PPFIBP1: variants seen among roughly 807,000 people sequenced by gnomAD.
PPFIBP1 encodes the protein liprin-beta-1.
A neutral mutation model predicts 137.8 loss-of-function variants in PPFIBP1; 112 were observed. The ratio of observed to expected loss-of-function variants is 0.81; its 90% CI spans 0.70 to 0.95. PPFIBP1 has a LOEUF of 0.95. Ranked by LOEUF, PPFIBP1 falls within the 40% of genes least tolerant of loss-of-function variation. The probability of loss-of-function intolerance (pLI) is 0.00; values close to 1 mark genes in which losing one functional copy is unlikely to be tolerated. For missense variants in PPFIBP1, 1,083 were observed against 1,196.6 expected (o/e 0.91, Z 1.40); for synonymous variants, 378 against 417.3 (o/e 0.91, Z 1.15).
At chr12:27,567,003 A>G (rs1283914320) in intron 1 of PPFIBP1, among the ~76,000 whole-genome samples, 1 of 152,202 alleles carries the variant, frequency 6.6e-6, no homozygotes, top group Non-Finnish European at 1.5e-5. Context: ...GCCTCAGTTT[A>G]TCTTCCATAT....
Position 27,654,706 on chromosome 12 carries a change from G to A in PPFIBP1, c.604-16G>A, listed in dbSNP as rs766971276. ...TACCACTTTCCTAATGTACTTTCTTGTTTCTTCTTGGACAGGGGCTGATTC... is the reference window on the plus strand; with the variant it reads ...TACCACTTTCCTAATGTACTTTCTTATTTCTTCTTGGACAGGGGCTGATTC... On this transcript the variant is annotated splice_polypyrimidine_tract_variant and intron_variant, in intron 7 of 29. Transcript: ENST00000228425. 9.3e-6 allele frequency: 15 copies of A among 1,605,390 alleles called. No individual in the cohort carries two copies. In the South Asian group the frequency reaches 1.7e-4, roughly 18 times the overall value.
intron 21 of PPFIBP1, among the ~76,000 whole-genome samples, chr12:27,681,304 C>A (rs945211768): frequency 6.6e-6 from 1 of 152,182 alleles, no homozygotes; most frequent in Non-Finnish European, 1.5e-5. Context: ...TTCTGTAGCA[C>A]TTGTTCTTGC....
intron 2 of PPFIBP1, among the ~76,000 whole-genome samples, chr12:27,615,376 A>T (rs73080245): frequency 6.6e-6 from 1 of 152,128 alleles, no homozygotes; most frequent in African/African-American, 2.4e-5. Context: ...TGCAAAATGC[A>T]TGTCCACACC....
At chr12:27,653,228 G>A (rs529465450) in intron 7 of PPFIBP1, among the ~76,000 whole-genome samples, 6 of 152,174 alleles carry the variant, frequency 3.9e-5, no homozygotes, top group East Asian at 1.9e-4. Flanking sequence ...TTTGGCATTC[G>A]TGGATAATTT....
Position 27,629,958 on chromosome 12 carries a change from C to A in PPFIBP1, c.-35-3404C>A, listed in dbSNP as rs148338067. On this transcript the variant is annotated intron_variant, in intron 2 of 29. Coordinates refer to ENST00000228425, the MANE Select transcript of PPFIBP1 (RefSeq NM_003622.4). ...TATCGAAACTGATTCTGTGGCCTTG[C>A]ATATATGCCTTATCCTGGTGAATAT... Among the ~76,000 whole-genome samples the A allele has an allele frequency of 7.9e-4, 120 of 152,242 alleles. 1 individual carries two copies. The highest frequency in any genetic ancestry group is 2.6e-3 in the African/African-American group (108 of 41,548).
intron 4 of PPFIBP1, chr12:27,636,848 A>G (rs1454615549): frequency 6.6e-6 from 1 of 152,186 alleles, no homozygotes; most frequent in Non-Finnish European, 1.5e-5. Flanking sequence ...GCTCCACGCC[A>G]AGCACAGTGG....
At chr12:27,597,190 CAG>C (rs1397527776) in intron 2 of PPFIBP1, among the ~76,000 whole-genome samples, 2 of 152,146 alleles carry the variant, frequency 1.3e-5, no homozygotes, top group African/African-American at 4.8e-5. Flanking sequence ...ATTTTTGAGA[CAG>C]AGTCTCGTTC....
chr12:27,592,013 C>G (rs1252273971), intron 2 of PPFIBP1, among the ~76,000 whole-genome samples: 1 of 152,178 alleles, frequency 6.6e-6, no homozygotes, highest in Non-Finnish European at 1.5e-5. Context: ...GAGTAAAATA[C>G]AGTAAGAATG....
At chr12:27,682,809 T>C in intron 24 of PPFIBP1, 106 bp downstream of exon 24, 6 of 1,551,370 alleles carry the variant, frequency 3.9e-6, no homozygotes, top group South Asian at 1.2e-5. Flanking sequence ...CCACCAGAGT[T>C]TGAAGCTGTT....
In PPFIBP1 at chr12:27,635,011, C is replaced by T. The variant is rs765962629; in HGVS notation, c.166C>T (p.Arg56Cys). ...AGCTCTGCACCTTGTGGAAGACCTG[C>T]GTGGATTGTTAGAGATGATGGAAAC... ...LRALHLVEDL[R>C]GLLEMMETDE... Residue 56 changes from arginine to cysteine, a missense_variant, in exon 4 of 30, where the codon CGT becomes TGT. Transcript: ENST00000228425. 2.6e-5 allele frequency: 42 copies of T among 1,613,900 alleles called. No homozygotes were observed. In the Admixed American group the frequency reaches 4.8e-4, roughly 19 times the overall value.
At chr12:27,606,064 A>G (rs1277368617) in intron 2 of PPFIBP1, among the ~76,000 whole-genome samples, 9 of 152,220 alleles carry the variant, frequency 5.9e-5, no homozygotes, top group Admixed American at 6.5e-5. Flanking sequence ...TAGACATTGC[A>G]ATTTAATAAG....
intron 2 of PPFIBP1, among the ~76,000 whole-genome samples, chr12:27,611,576 C>G (rs1565868831): frequency 6.6e-6 from 1 of 152,186 alleles, no homozygotes; most frequent in South Asian, 2.1e-4. Context: ...AAACACATCA[C>G]ATCATCCGTA....
chr12:27,676,225 G>C (rs778220809), intron 17 of PPFIBP1, among the ~76,000 whole-genome samples: 4 of 152,130 alleles, frequency 2.6e-5, no homozygotes, highest in Non-Finnish European at 5.9e-5. Flanking sequence ...TGTTGCTTTT[G>C]TTGTTGTTTC....
chr12:27,579,636 T>A (rs2050893690), intron 2 of PPFIBP1, among the ~76,000 whole-genome samples: 1 of 152,234 alleles, frequency 6.6e-6, no homozygotes, highest in Non-Finnish European at 1.5e-5. Flanking sequence ...TGTATACCTA[T>A]TTTACAGTTG....
chr12:27,564,313 T>C (rs1364553849), intron 1 of PPFIBP1, among the ~76,000 whole-genome samples: 1 of 152,236 alleles, frequency 6.6e-6, no homozygotes, highest in African/African-American at 2.4e-5. Context: ...GTACTTTTTA[T>C]CTCCAAATTT....
intron 15 of PPFIBP1, among the ~76,000 whole-genome samples, chr12:27,672,800 T>C (rs2060281355): frequency 6.6e-6 from 1 of 152,192 alleles, no homozygotes; most frequent in South Asian, 2.1e-4. Context: ...TGACATATTT[T>C]GAGTCCAGTG....
chr12:27,655,862 ATT>A (rs1565951208), intron 8 of PPFIBP1, among the ~76,000 whole-genome samples: 13 of 152,358 alleles, frequency 8.5e-5, no homozygotes, highest in African/African-American at 2.6e-4. Context: ...ACTTCTTAGC[ATT>A]GCATAGCTGT....
intron 1 of PPFIBP1, among the ~76,000 whole-genome samples, chr12:27,553,653 C>T (rs946223566): frequency 2.0e-5 from 3 of 152,162 alleles, no homozygotes; most frequent in African/African-American, 7.2e-5. Flanking sequence ...GGAAGCTCAT[C>T]GATATTCGGG....
intron 1 of PPFIBP1, among the ~76,000 whole-genome samples, chr12:27,558,853 A>AT (rs928358280): frequency 2.6e-5 from 4 of 151,632 alleles, no homozygotes; most frequent in Non-Finnish European, 5.9e-5. Context: ...TATAACAGTG[A>AT]TTTTTTTTCT....
Sources: allele counts gnomAD v4.1 joint callset (sites outside exome capture counted in the v4.1 genomes callset), GRCh38; gene constraint gnomAD v4.1.1; transcripts MANE v1.5; gene names NCBI Gene and HGNC (gene_info 2026-07-23, HGNC 2026-07-21).